DOP1A: variants seen among roughly 807,000 people sequenced by gnomAD.
DOP1A encodes DOP1 leucine zipper like protein A, also known as protein DOP1A.
A neutral mutation model predicts 267.6 loss-of-function variants in DOP1A; 90 were observed. The ratio of observed to expected loss-of-function variants is 0.34; its 90% confidence interval spans 0.28 to 0.40. The LOEUF is 0.40. Among genes scored for constraint, DOP1A ranks in the 10% least tolerant of loss-of-function variants. The pLI is 1.00. For missense variants in DOP1A, 2,437 were observed against 2,900.4 expected (o/e 0.84, Z 3.67); for synonymous variants, 932 against 999.1 (o/e 0.93, Z 1.27).
At chr6:83,148,643 T>C (rs1554248007) in intron 26 of DOP1A, 116 bp from the exon 27 acceptor site, 1 of 617,890 alleles carries the variant, frequency 1.6e-6, no homozygotes, top group Non-Finnish European at 2.7e-6. Flanking sequence ...AGTAAAAATG[T>C]AAAGTTTTTA....
intron 6 of DOP1A, among the ~76,000 whole-genome samples, chr6:83,112,341 T>A (rs2128183821): frequency 6.6e-6 from 1 of 151,896 alleles, no homozygotes; most frequent in East Asian, 1.9e-4. Flanking sequence ...AAGCCAGTTT[T>A]CATGTCAGAT....
At chr6:83,155,911 C>T in intron 33 of DOP1A, 40 bp from the exon 34 acceptor site, 2 of 1,586,784 alleles carry the variant, frequency 1.3e-6, no homozygotes, top group South Asian at 1.2e-5. Context: ...AATCTTTCTT[C>T]AGATGACAGT....
chr6:83,098,424 A>G (rs1771907185), intron 3 of DOP1A, among the ~76,000 whole-genome samples: 1 of 152,224 alleles, frequency 6.6e-6, no homozygotes, highest in South Asian at 2.1e-4. Context: ...ACCTGGAGAT[A>G]GTATCAGATC....
intron 37 of DOP1A, among the ~76,000 whole-genome samples, chr6:83,160,591 T>C (rs1464426437): frequency 1.3e-5 from 2 of 152,166 alleles, no homozygotes; most frequent in Non-Finnish European, 2.9e-5. Flanking sequence ...TGGGCAAGCC[T>C]AGAATGAAGG....
At chr6:83,169,914 G>A, downstream of DOP1A, 1 of 405,976 alleles carries the variant, frequency 2.5e-6, no homozygotes, top group South Asian at 1.9e-5. Context: ...CAAGAGTCCA[G>A]AATGCTATCA....
At chr6:83,143,425 T>G (rs961789627) in intron 24 of DOP1A, among the ~76,000 whole-genome samples, 1 of 152,036 alleles carries the variant, frequency 6.6e-6, no homozygotes, top group Non-Finnish European at 1.5e-5. Flanking sequence ...TAAATAGAAA[T>G]AGAGAGCCAA....
chr6:83,132,236 A>C lies in DOP1A; in HGVS notation c.2677A>C (p.Ser893Arg). 1 of 1,613,832 alleles carries C rather than the reference A, an allele frequency of 6.2e-7. No individual in the cohort carries two copies. Among genetic ancestry groups the C allele is most frequent in the Admixed American group, 1.7e-5 (1 of 59,988 alleles). ...TGGGACACCTCAGCATCACCAGAAG[A>C]GTGTGGAACTATTTTATCAATTACA... Reference protein sequence around the residue: ...GDGTPQHHQKSVELFYQLHNL... With the variant: ...GDGTPQHHQKRVELFYQLHNL... The change falls in exon 18 of 39, where the codon AGT becomes CGT. Residue 893 changes from serine to arginine, a missense_variant. Around this residue, in one of 9 missense-constraint regions of DOP1A, gnomAD observed 878 missense variants for 992.9 expected, o/e 0.88. Transcript: ENST00000349129.
At position 83,135,810 on chromosome 6, in the gene DOP1A, A is replaced by C; in HGVS notation, c.3062A>C (p.Asn1021Thr). The part of the protein sequence containing the change: ...VQRVQAERYW[N>T]KSPCYPGEES... ...CGTGTACAAGCAGAACGTTATTGGAATAAGTCTCCCTGTTATCCAGGAGAG... is the reference window on the plus strand; with the variant it reads ...CGTGTACAAGCAGAACGTTATTGGACTAAGTCTCCCTGTTATCCAGGAGAG... Residue 1021 changes from asparagine to threonine, a missense_variant, in exon 20 of 39, where the codon AAT becomes ACT. Asn to Thr is a moderately conservative substitution (Grantham distance 65). Transcript: ENST00000349129. The C allele has an allele frequency of 6.2e-7, 1 of 1,613,722 alleles. No homozygotes were observed. The highest frequency in any genetic ancestry group is 8.5e-7 in the Non-Finnish European group (1 of 1,179,690).
intron 19 of DOP1A, among the ~76,000 whole-genome samples, chr6:83,134,867 A>AG (rs1340186852): frequency 6.6e-6 from 1 of 152,070 alleles, no homozygotes; most frequent in Non-Finnish European, 1.5e-5. Context: ...AGTTGGTCTC[A>AG]TACTGGTGGC....
At chr6:83,103,588 A>T (rs888555118) in intron 4 of DOP1A, among the ~76,000 whole-genome samples, 5 of 152,262 alleles carry the variant, frequency 3.3e-5, no homozygotes, top group African/African-American at 1.2e-4. Context: ...CTCCCCACTT[A>T]TTAGGTCTTC....
intron 8 of DOP1A, 136 bp from the exon 9 acceptor site, chr6:83,119,610 ATC>A: frequency 1.7e-6 from 1 of 581,360 alleles, no homozygotes; most frequent in Non-Finnish European, 3.1e-6. Flanking sequence ...ATCTAAAATG[ATC>A]TCTCTTGCTG....
intron 34 of DOP1A, among the ~76,000 whole-genome samples, chr6:83,156,926 T>C (rs1176077019): frequency 6.6e-6 from 1 of 152,214 alleles, no homozygotes; most frequent in African/African-American, 2.4e-5. Context: ...TACAAAACTT[T>C]AGAGTAAACA....
intron 24 of DOP1A, 111 bp downstream of exon 24, chr6:83,142,157 A>G: frequency 7.6e-7 from 1 of 1,308,288 alleles, no homozygotes; most frequent in Non-Finnish European, 1.1e-6. Context: ...GTGTAAAGCA[A>G]AAGTCTGTCG....
At chr6:83,153,477 CAT>C in intron 30 of DOP1A, 32 bp from the exon 31 acceptor site, 1 of 1,422,052 alleles carries the variant, frequency 7.0e-7, no homozygotes. Context: ...AGTTTCACCT[CAT>C]ATGTTACTCT....
intron 1 of DOP1A, among the ~76,000 whole-genome samples, chr6:83,084,801 G>C (rs184671538): frequency 2.0e-5 from 3 of 151,850 alleles, no homozygotes; most frequent in East Asian, 1.9e-4. Context: ...ATGTTGGCCA[G>C]GCTGGTCTCG....
chr6:83,154,111 T>G lies in DOP1A; in HGVS notation c.6389+68T>G. 3 of 1,611,648 alleles carry G rather than the reference T, an allele frequency of 1.9e-6. No homozygotes were observed. The East Asian group carries it at 6.7e-5, about 36-fold the overall frequency. On this transcript the variant is annotated intron_variant, in intron 32 of 38. Coordinates refer to ENST00000349129, the MANE Select transcript of DOP1A (RefSeq NM_015018.4). ...AGTCTGATGAAATCAGCTACTCCCC[T>G]GGAAAGTTAGAATACTGTTCTTTAA...
rs184159570 is a variant in DOP1A at position 83,089,540 on chromosome 6, T to G, written c.-146-7191T>G. ...ATCTGAGTTGTAACTTTGAAAGTAT[T>G]GCAACTAAATTGTCCAGTGGACTAA... On this transcript the variant is annotated intron_variant, in intron 1 of 38. Coordinates refer to ENST00000349129, the MANE Select transcript of DOP1A (RefSeq NM_015018.4). Among the ~76,000 whole-genome samples, 3 of 152,368 alleles carry G rather than the reference T, an allele frequency of 2.0e-5. No individual in the cohort carries two copies. In the East Asian group the frequency reaches 5.8e-4, roughly 29 times the overall value.
In DOP1A at chr6:83,128,984, T is replaced by G; in HGVS notation, c.1817T>G (p.Ile606Arg). ...RSSESGFTEF[I>R]QYQADRTDDI... ...TCAGAGAGTGGATTCACTGAGTTTA[T>G]ACAATATCAAGCAGACCGAACTGAT... is the stretch of plus-strand genomic sequence containing the variant. Residue 606 changes from isoleucine (I) to arginine (R), a missense_variant, in exon 16 of 39, where the codon ATA becomes AGA. Physicochemically the swap from Ile to Arg is moderately conservative, Grantham distance 97. Transcript: ENST00000349129. 1 of 1,611,338 alleles carries G rather than the reference T, an allele frequency of 6.2e-7. No individual in the cohort carries two copies. Among genetic ancestry groups the G allele is most frequent in the Non-Finnish European group, 8.5e-7 (1 of 1,178,710 alleles).
At chr6:83,107,297 C>T (rs1339805027) in intron 4 of DOP1A, among the ~76,000 whole-genome samples, 1 of 151,862 alleles carries the variant, frequency 6.6e-6, no homozygotes, top group Non-Finnish European at 1.5e-5. Context: ...ACAGGCGGGT[C>T]ATGGCCCTGG....
Sources: allele counts gnomAD v4.1 joint callset (sites outside exome capture counted in the v4.1 genomes callset), GRCh38; gene constraint gnomAD v4.1.1; regional missense constraint gnomAD v4.1.1; transcripts MANE v1.5; gene names NCBI Gene and HGNC (gene_info 2026-07-23, HGNC 2026-07-21).